Variants in TECRL observed in about 807,000 individuals in gnomAD.
The protein encoded by TECRL is trans-2,3-enoyl-CoA reductase like.
In TECRL, 63 loss-of-function variants were observed where a neutral mutation model predicts 52.8. The observed-to-expected ratio is 1.19, with a 90% CI of 0.97 to 1.47. The LOEUF is 1.47. Ranked by LOEUF, TECRL falls within the 40% of genes most tolerant of loss-of-function variation. The pLI, the probability that TECRL is intolerant of heterozygous loss-of-function variation, is 0.00. For synonymous variants in TECRL, 164 were observed against 141.9 expected (o/e 1.16, Z -1.10); for missense variants, 482 against 429.6 (o/e 1.12, Z -1.08).
chr4:64,369,158 A>T (rs908298055), intron 2 of TECRL, among the ~76,000 whole-genome samples: 2 of 152,148 alleles, frequency 1.3e-5, no homozygotes, highest in Non-Finnish European at 1.5e-5. Flanking sequence ...TTTTGTTCAG[A>T]AATGTTTATG....
chr4:64,382,322 A>G lies in TECRL; in HGVS notation c.235-7099T>C, dbSNP rs148357262. On this transcript the variant is annotated intron_variant, in intron 1 of 11. Coordinates refer to ENST00000381210, the MANE Select transcript of TECRL (RefSeq NM_001010874.5). Reference sequence around the variant, plus strand: ...ATACATTATATTATATATTATATCTATATTATATATATATACACACACATA... The same window carrying G: ...ATACATTATATTATATATTATATCTGTATTATATATATATACACACACATA... Among the ~76,000 whole-genome samples, 359 of 144,916 alleles carry G rather than the reference A, an allele frequency of 2.5e-3. 1 individual carries two copies. Among genetic ancestry groups the G allele is most frequent in the Non-Finnish European group, 4.2e-3 (281 of 66,870 alleles).
intron 1 of TECRL, among the ~76,000 whole-genome samples, chr4:64,375,785 A>C (rs992544885): frequency 3.3e-5 from 5 of 151,884 alleles, no homozygotes; most frequent in African/African-American, 1.2e-4. Flanking sequence ...GTAATTTGAT[A>C]AAATATTTGG....
At chr4:64,405,600 T>A (rs987100407) in intron 1 of TECRL, among the ~76,000 whole-genome samples, 1 of 152,134 alleles carries the variant, frequency 6.6e-6, no homozygotes, top group Non-Finnish European at 1.5e-5. Context: ...AATCGATATA[T>A]AGATATGTAG....
At chr4:64,376,887 A>G (rs1722434633) in intron 1 of TECRL, among the ~76,000 whole-genome samples, 1 of 151,978 alleles carries the variant, frequency 6.6e-6, no homozygotes, top group South Asian at 2.1e-4. Context: ...AGCATATAAT[A>G]AGCTTTAATT....
At chr4:64,283,789 T>C (rs78667769) in intron 9 of TECRL, among the ~76,000 whole-genome samples, 1 of 152,080 alleles carries the variant, frequency 6.6e-6, no homozygotes, top group Non-Finnish European at 1.5e-5. Context: ...TCTTGGAATA[T>C]CTAGGTTTTC....
At chr4:64,386,268 G>C (rs1279394458) in intron 1 of TECRL, among the ~76,000 whole-genome samples, 1 of 152,038 alleles carries the variant, frequency 6.6e-6, no homozygotes, top group African/African-American at 2.4e-5. Flanking sequence ...AAGTAAGCTA[G>C]AGAAAAGACA....
intron 2 of TECRL, among the ~76,000 whole-genome samples, chr4:64,332,784 C>T (rs1239691427): frequency 6.6e-6 from 1 of 151,904 alleles, no homozygotes; most frequent in Admixed American, 6.6e-5. Context: ...AAGAAAATAT[C>T]CCAACTAAAG....
At position 64,281,394 on chromosome 4, in the gene TECRL, T is replaced by TA. The variant is rs1329908333; in HGVS notation, c.918+79dup. ...TATTTTTCCTGTATATATTAATTTATAATACATGTAAATACATAAGCACAT... is the reference window on the plus strand; with the variant it reads ...TATTTTTCCTGTATATATTAATTTATAAATACATGTAAATACATAAGCACAT... On this transcript the variant is annotated intron_variant, in intron 10 of 11. Transcript: ENST00000381210. 6.1e-6 allele frequency: 5 copies of TA among 822,600 alleles called. No individual in the cohort carries two copies. In the African/African-American group the frequency reaches 7.1e-5, roughly 12 times the overall value. 51.0% of individuals were successfully genotyped at this position (822,600 alleles called of 1,614,324 possible).
intron 1 of TECRL, among the ~76,000 whole-genome samples, chr4:64,387,148 A>G (rs1269540206): frequency 1.3e-5 from 2 of 152,180 alleles, no homozygotes; most frequent in African/African-American, 4.8e-5. Context: ...CCAGAAAGTC[A>G]TATGGTTGAA....
At chr4:64,395,174 C>T (rs570520817) in intron 1 of TECRL, among the ~76,000 whole-genome samples, 11 of 151,930 alleles carry the variant, frequency 7.2e-5, no homozygotes, top group Non-Finnish European at 1.2e-4. Context: ...CCTGTCTCAG[C>T]CCCCCAAATT....
chr4:64,319,406 T>C (rs898659131), intron 4 of TECRL, among the ~76,000 whole-genome samples: 6 of 151,784 alleles, frequency 4.0e-5, no homozygotes, highest in African/African-American at 1.2e-4. Flanking sequence ...AGGATTCTTA[T>C]ATATGAAAGT....
At position 64,402,468 on chromosome 4, in the gene TECRL, A is replaced by G. The variant is rs1724420230; in HGVS notation, c.234+6650T>C. ...CCCACTCCTAACTATTGGATTATAT[A>G]CAGTAATAATAGATATTTGAATCAT... On this transcript the variant is annotated intron_variant, in intron 1 of 11. Transcript: ENST00000381210. Among the ~76,000 whole-genome samples the G allele has an allele frequency of 2.0e-5, 3 of 152,092 alleles. No homozygotes were observed. The South Asian group carries it at 6.2e-4, about 32-fold the overall frequency.
At chr4:64,283,337 C>T (rs1001358433) in intron 9 of TECRL, among the ~76,000 whole-genome samples, 1 of 151,982 alleles carries the variant, frequency 6.6e-6, no homozygotes, top group South Asian at 2.1e-4. Flanking sequence ...ATAGTTGGCA[C>T]CAGGAATGGC....
intron 2 of TECRL, among the ~76,000 whole-genome samples, chr4:64,365,874 A>C (rs2109635845): frequency 6.6e-6 from 1 of 152,206 alleles, no homozygotes; most frequent in Admixed American, 6.6e-5. Flanking sequence ...GAATTAGAAT[A>C]ATAAAACTAT....
chr4:64,338,156 A>C (rs1214701997), intron 2 of TECRL, among the ~76,000 whole-genome samples: 1 of 152,184 alleles, frequency 6.6e-6, no homozygotes, highest in African/African-American at 2.4e-5. Flanking sequence ...ATCTTTGACA[A>C]ACCTGACAAA....
intron 2 of TECRL, among the ~76,000 whole-genome samples, chr4:64,339,359 T>C (rs1719374920): frequency 1.3e-5 from 2 of 151,556 alleles, no homozygotes; most frequent in Admixed American, 6.6e-5. Flanking sequence ...AGTTAATTGG[T>C]GCAGCACACC....
At chr4:64,350,331 AGCTCT>A (rs1320335691) in intron 2 of TECRL, among the ~76,000 whole-genome samples, 2 of 152,198 alleles carry the variant, frequency 1.3e-5, no homozygotes, top group East Asian at 3.8e-4. Flanking sequence ...TGTGGATCTC[AGCTCT>A]GGATGAAGTA....
chr4:64,293,300 T>A (rs1032719085), intron 8 of TECRL, among the ~76,000 whole-genome samples: 5 of 152,164 alleles, frequency 3.3e-5, no homozygotes, highest in African/African-American at 1.2e-4. Flanking sequence ...CCTATTAATT[T>A]TATTTTTAAT....
At chr4:64,300,088 C>A in intron 7 of TECRL, 71 bp from the exon 8 acceptor site, 1 of 1,193,166 alleles carries the variant, frequency 8.4e-7, no homozygotes, top group Non-Finnish European at 1.2e-6. Context: ...AGACATAATT[C>A]AGGCAGTATT....
Sources: gnomAD v4.1 joint callset for allele counts (sites outside exome capture counted in the v4.1 genomes callset) on GRCh38, gnomAD v4.1.1 for gene constraint, MANE v1.5 for transcripts, NCBI Gene and HGNC (gene_info 2026-07-23, HGNC 2026-07-21) for gene names.